The following CLSTN1 variants were observed in gnomAD, a reference collection of about 807,000 sequenced individuals.
CLSTN1 encodes the protein calsyntenin-1.
Under a neutral mutation model 108.3 loss-of-function variants are expected in CLSTN1, and 28 were observed. The ratio of observed to expected loss-of-function variants is 0.26; its 90% CI spans 0.19 to 0.35. The LOEUF is 0.35. CLSTN1 is among the 10% of genes least tolerant of loss of function. The pLI, the probability that CLSTN1 is intolerant of heterozygous loss-of-function variation, is 1.00. For missense variants in CLSTN1, 1,157 were observed against 1,302.6 expected (o/e 0.89, Z 1.72); for synonymous variants, 524 against 534.9 (o/e 0.98, Z 0.28).
intron 3 of CLSTN1, 60 bp from the exon 4 acceptor site, chr1:9,755,369 C>T: frequency 2.2e-6 from 3 of 1,375,462 alleles, no homozygotes; most frequent in Non-Finnish European, 3.0e-6. Flanking sequence ...TGCACCTTGC[C>T]CTCCTCCCCC....
intron 2 of CLSTN1, among the ~76,000 whole-genome samples, chr1:9,765,339 G>A (rs182582264): frequency 4.6e-5 from 7 of 152,012 alleles, no homozygotes; most frequent in Admixed American, 3.9e-4. Flanking sequence ...AGCTGAGATC[G>A]CGTCATTGCA....
chr1:9,780,881 C>T (rs1056106016), intron 1 of CLSTN1: 16 of 290,022 alleles, frequency 5.5e-5, no homozygotes, highest in Admixed American at 1.6e-4. Context: ...AATCCAAATG[C>T]GGTGCGGGAG....
intron 1 of CLSTN1, among the ~76,000 whole-genome samples, chr1:9,778,223 AACACACACACACACACACAC>A (rs57372437): frequency 2.8e-4 from 37 of 134,502 alleles, no homozygotes; most frequent in African/African-American, 5.3e-4. Context: ...TCTCCTCCCC[AACACACACACACACACACAC>A]ACACACACAC....
intron 1 of CLSTN1, among the ~76,000 whole-genome samples, chr1:9,789,282 C>T (rs1379526517): frequency 6.6e-6 from 1 of 151,424 alleles, no homozygotes; most frequent in African/African-American, 2.4e-5. Flanking sequence ...ATAGTGACTG[C>T]ACCATTTTCC....
chr1:9,737,354 A>T, intron 11 of CLSTN1, 144 bp downstream of exon 11: 1 of 751,888 alleles, frequency 1.3e-6, no homozygotes, highest in Non-Finnish European at 2.4e-6. Context: ...TCCATGAAGC[A>T]ATGGGGAAGC....
At chr1:9,749,958 G>C in intron 5 of CLSTN1, 45 bp from the exon 6 acceptor site, 1 of 1,573,692 alleles carries the variant, frequency 6.4e-7, no homozygotes, top group South Asian at 1.1e-5. Flanking sequence ...ACCCATGCTG[G>C]TTTTACTTTT....
intron 7 of CLSTN1, among the ~76,000 whole-genome samples, chr1:9,747,585 C>A (rs1290618006): frequency 1.3e-5 from 2 of 151,902 alleles, no homozygotes; most frequent in Non-Finnish European, 2.9e-5. Flanking sequence ...TCACTGCAGC[C>A]TCCTGGGTTC....
chr1:9,793,174 A>G (rs1442962319), intron 1 of CLSTN1, among the ~76,000 whole-genome samples: 1 of 151,108 alleles, frequency 6.6e-6, no homozygotes, highest in East Asian at 2.0e-4. Flanking sequence ...CACCACACCC[A>G]GCTAATTTTT....
intron 1 of CLSTN1, among the ~76,000 whole-genome samples, chr1:9,784,747 T>C (rs1245580041): frequency 6.6e-6 from 1 of 152,192 alleles, no homozygotes; most frequent in East Asian, 1.9e-4. Context: ...ACAGGTGCCC[T>C]TGCATGCTCC....
chr1:9,818,657 T>C (rs1352403868), intron 1 of CLSTN1, among the ~76,000 whole-genome samples: 1 of 151,648 alleles, frequency 6.6e-6, no homozygotes, highest in Non-Finnish European at 1.5e-5. Context: ...GAACATGACA[T>C]TGCATAAATA....
chr1:9,764,336 C>A (rs1652222394), intron 2 of CLSTN1, among the ~76,000 whole-genome samples: 1 of 152,080 alleles, frequency 6.6e-6, no homozygotes, highest in African/African-American at 2.4e-5. Flanking sequence ...CCACCTCCAA[C>A]AATGGGATCA....
chr1:9,796,203 A>G (rs1478069198), intron 1 of CLSTN1, among the ~76,000 whole-genome samples: 3 of 149,142 alleles, frequency 2.0e-5, no homozygotes, highest in African/African-American at 7.3e-5. Context: ...CAGAGGTTGC[A>G]GTGAGCGGAG....
At chr1:9,741,377 T>G in intron 9 of CLSTN1, 121 bp from the exon 10 acceptor site, 5 of 970,622 alleles carry the variant, frequency 5.2e-6, no homozygotes, top group Non-Finnish European at 6.1e-6. Context: ...GAAAAAAATC[T>G]AACCACAAAA....
At chr1:9,731,128 G>A (rs1650362425) in intron 18 of CLSTN1, 78 bp downstream of exon 18, 1 of 1,542,020 alleles carries the variant, frequency 6.5e-7, no homozygotes, top group Non-Finnish European at 9.0e-7. Flanking sequence ...GAACCTGAAG[G>A]AGCCGCGCCG....
chr1:9,775,493 T>C (rs889387060), intron 1 of CLSTN1, among the ~76,000 whole-genome samples: 12 of 152,008 alleles, frequency 7.9e-5, no homozygotes, highest in Non-Finnish European at 4.4e-5. Flanking sequence ...TTGCTTTGCC[T>C]GGGGCTCGGC....
chr1:9,749,494 T>A lies in CLSTN1; in HGVS notation c.952A>T (p.Thr318Ser). The change falls in exon 7 of 19, where the codon ACC becomes TCC. Residue 318 changes from threonine (T) to serine (S), a missense_variant. Transcript: ENST00000377298. The part of the protein sequence containing the change: ...SHIGKGCDRD[T>S]YSEKSLHRLC... ...CGGTGGAGGGACTTCTCTGAGTAGG[T>A]GTCTCGGTCGCAGCCTTTCCCTATG... The A allele has an allele frequency of 6.2e-7, 1 of 1,613,706 alleles. No individual in the cohort carries two copies. Among genetic ancestry groups the A allele is most frequent in the Non-Finnish European group, 8.5e-7 (1 of 1,179,916 alleles).
At chr1:9,800,153 G>A (rs924703852) in intron 1 of CLSTN1, among the ~76,000 whole-genome samples, 4 of 151,950 alleles carry the variant, frequency 2.6e-5, no homozygotes, top group Non-Finnish European at 5.9e-5. Flanking sequence ...AATCATATAA[G>A]CTTCAACCTT....
intron 4 of CLSTN1, 77 bp downstream of exon 4, chr1:9,755,037 A>C (rs903952005): frequency 7.3e-6 from 9 of 1,237,822 alleles, no homozygotes; most frequent in Non-Finnish European, 1.0e-5. Context: ...GGAGCAGGCA[A>C]TAGTCACTAC....
intron 1 of CLSTN1, among the ~76,000 whole-genome samples, chr1:9,775,124 C>G (rs1652873678): frequency 6.6e-6 from 1 of 152,026 alleles, no homozygotes; most frequent in East Asian, 1.9e-4. Flanking sequence ...TTTATGGCAA[C>G]CTGTTTTATA....
Sources: allele counts gnomAD v4.1 joint callset (sites outside exome capture counted in the v4.1 genomes callset), GRCh38; gene constraint gnomAD v4.1.1; transcripts MANE v1.5; gene names NCBI Gene and HGNC (gene_info 2026-07-23, HGNC 2026-07-21).